ADAMTSL1: variants seen among roughly 807,000 people sequenced by gnomAD.
The protein encoded by ADAMTSL1 is ADAMTS like 1.
In ADAMTSL1, 126 loss-of-function variants were observed where a neutral mutation model predicts 201.8. The observed-to-expected ratio is 0.62, with a 90% confidence interval of 0.54 to 0.72. The LOEUF (loss-of-function observed/expected upper bound fraction) is 0.72. Ranked by LOEUF, ADAMTSL1 falls within the 30% of genes least tolerant of loss-of-function variation. The probability of loss-of-function intolerance (pLI) is 0.00; values close to 1 mark genes in which losing one functional copy is unlikely to be tolerated. For synonymous variants in ADAMTSL1, 1,121 were observed against 903.4 expected (o/e 1.24, Z -4.32); for missense variants, 2,679 against 2,277.8 (o/e 1.18, Z -3.59).
intron 4 of ADAMTSL1, among the ~76,000 whole-genome samples, chr9:18,587,498 A>G (rs955637232): frequency 1.3e-5 from 2 of 152,158 alleles, no homozygotes; most frequent in Non-Finnish European, 2.9e-5. Context: ...GAGCATTACA[A>G]TTCTTCTTTT....
Position 18,393,239 on chromosome 9 carries a change from T to G in ADAMTSL1, c.208-111590T>G, listed in dbSNP as rs563429685. Among the ~76,000 whole-genome samples, 8 of 152,244 alleles carry G rather than the reference T, an allele frequency of 5.3e-5. No homozygotes were observed. In the South Asian group the frequency reaches 1.0e-3, roughly 20 times the overall value. ...TATACACATACACAGTATGCTGGGG[T>G]TTTTTAAATTAGAATTATAATTTGA... On this transcript the variant is annotated intron_variant, in intron 2 of 29. Transcript: ENST00000680146.
intron 1 of ADAMTSL1, among the ~76,000 whole-genome samples, chr9:18,125,607 C>T (rs1342883316): frequency 3.3e-5 from 5 of 152,104 alleles, no homozygotes; most frequent in South Asian, 2.1e-4. Context: ...TTCTGCATGG[C>T]GAGATAAGGG....
intron 2 of ADAMTSL1, among the ~76,000 whole-genome samples, chr9:18,320,287 T>C (rs183045242): frequency 3.2e-4 from 49 of 152,352 alleles, no homozygotes; most frequent in Non-Finnish European, 2.1e-4. Context: ...ATTTGTGTTG[T>C]TTTAAGCCAC....
rs543600549 is a variant in ADAMTSL1 at position 18,711,789 on chromosome 9, G to T, written c.1876+4741G>T. Among the ~76,000 whole-genome samples, 1,084 of 151,918 alleles carry T rather than the reference G, an allele frequency of 7.1e-3. 3 individuals carry two copies. The highest frequency in any genetic ancestry group is 0.025 in the African/African-American group (1,035 of 41,474). On this transcript the variant is annotated intron_variant, in intron 14 of 28. Coordinates refer to ENST00000380548, the MANE Select transcript of ADAMTSL1 (RefSeq NM_001040272.6). ...CTGCCTCTGTAGGCTCCACCTCTGG[G>T]GGCAGGGCACAGACAAACAAAAAGA...
At chr9:18,868,227 TTAACA>T (rs1827663995) in intron 23 of ADAMTSL1, among the ~76,000 whole-genome samples, 1 of 152,230 alleles carries the variant, frequency 6.6e-6, no homozygotes, top group Non-Finnish European at 1.5e-5. Flanking sequence ...CTTTAAATAC[TTAACA>T]TATTTTAACA....
chr9:17,915,498 C>G (rs535353866), intron 1 of ADAMTSL1, among the ~76,000 whole-genome samples: 1 of 152,250 alleles, frequency 6.6e-6, no homozygotes, highest in African/African-American at 2.4e-5. Context: ...TCCACTTTTG[C>G]TATTACAAAT....
chr9:18,364,325 A>C (rs1203332860), intron 2 of ADAMTSL1, among the ~76,000 whole-genome samples: 10 of 152,164 alleles, frequency 6.6e-5, no homozygotes. Flanking sequence ...AAAATTCTCT[A>C]TAGGATGGCT....
chr9:18,656,813 T>A (rs1828715211), intron 7 of ADAMTSL1, among the ~76,000 whole-genome samples: 1 of 152,148 alleles, frequency 6.6e-6, no homozygotes, highest in African/African-American at 2.4e-5. Flanking sequence ...AGTCTAAATG[T>A]TGTATCATTC....
At chr9:18,470,403 T>G (rs1235645038), upstream of ADAMTSL1, among the ~76,000 whole-genome samples, 1 of 152,222 alleles carries the variant, frequency 6.6e-6, no homozygotes, top group Non-Finnish European at 1.5e-5. Flanking sequence ...CCTATACTTT[T>G]ATCTTAGTCG....
chr9:18,247,157 T>G (rs549480263), intron 2 of ADAMTSL1, among the ~76,000 whole-genome samples: 7 of 152,268 alleles, frequency 4.6e-5, no homozygotes, highest in African/African-American at 1.7e-4. Context: ...AGGCATGAGA[T>G]GTATAGCATT....
chr9:18,024,758 C>A (rs1252285584), intron 1 of ADAMTSL1, among the ~76,000 whole-genome samples: 3 of 151,928 alleles, frequency 2.0e-5, no homozygotes, highest in Non-Finnish European at 4.4e-5. Flanking sequence ...GGTAGAACAA[C>A]TTATTTTCCT....
intron 1 of ADAMTSL1, among the ~76,000 whole-genome samples, chr9:17,936,716 C>A (rs1349016281): frequency 1.3e-5 from 2 of 152,158 alleles, no homozygotes; most frequent in African/African-American, 2.4e-5. Flanking sequence ...CAGGTACCAC[C>A]CCTGCTTGCT....
intron 2 of ADAMTSL1, among the ~76,000 whole-genome samples, chr9:18,255,191 TG>T (rs1831633479): frequency 6.6e-6 from 1 of 152,184 alleles, no homozygotes; most frequent in Admixed American, 6.5e-5. Context: ...TGTCAAGGGA[TG>T]AAAGCTGAAG....
chr9:17,930,627 C>G (rs1234545366), intron 1 of ADAMTSL1, among the ~76,000 whole-genome samples: 6 of 152,246 alleles, frequency 3.9e-5, no homozygotes. Flanking sequence ...TCACAAATGA[C>G]TTTCAAGAAT....
intron 1 of ADAMTSL1, among the ~76,000 whole-genome samples, chr9:17,951,555 G>T (rs1827728461): frequency 6.6e-6 from 1 of 151,798 alleles, no homozygotes; most frequent in East Asian, 1.9e-4. Flanking sequence ...CTGTGAGGCT[G>T]AATCCCTTTC....
At chr9:18,242,361 T>G (rs1563830397) in intron 2 of ADAMTSL1, among the ~76,000 whole-genome samples, 1 of 152,124 alleles carries the variant, frequency 6.6e-6, no homozygotes. Flanking sequence ...GGAAAATTCC[T>G]CAACATAATA....
rs185402734 is a variant in ADAMTSL1 at position 18,652,455 on chromosome 9, C to T, written c.835-5184C>T. Among the ~76,000 whole-genome samples the T allele has an allele frequency of 9.6e-4, 146 of 151,658 alleles. 1 individual carries two copies. Among genetic ancestry groups the T allele is most frequent in the African/African-American group, 3.4e-3 (141 of 41,356 alleles). On this transcript the variant is annotated intron_variant, in intron 7 of 28. Transcript: ENST00000380548. ...TGGGTAGGATTGAAATACAATTAGT[C>T]CTCTACTTACAATAACCAACAACAA...
At chr9:17,922,581 AC>A (rs1252759649) in intron 1 of ADAMTSL1, among the ~76,000 whole-genome samples, 1 of 152,052 alleles carries the variant, frequency 6.6e-6, no homozygotes, top group Non-Finnish European at 1.5e-5. Context: ...ACACATTTTG[AC>A]CAAAAACCAC....
intron 22 of ADAMTSL1, among the ~76,000 whole-genome samples, chr9:18,829,557 T>G (rs1357157997): frequency 6.6e-6 from 1 of 152,174 alleles, no homozygotes; most frequent in African/African-American, 2.4e-5. Context: ...TCTACAAATG[T>G]GTAGGTACCC....
Sources: gnomAD v4.1 joint callset for allele counts (sites outside exome capture counted in the v4.1 genomes callset) on GRCh38, gnomAD v4.1.1 for gene constraint, MANE v1.5 for transcripts, NCBI Gene and HGNC (gene_info 2026-07-23, HGNC 2026-07-21) for gene names.